The following ENTPD2 variants were observed in gnomAD, a reference collection of about 807,000 sequenced individuals.
The protein encoded by ENTPD2 is CD39 antigen-like 1.
A neutral mutation model predicts 46.8 loss-of-function variants in ENTPD2; 48 were observed. The ratio of observed to expected loss-of-function variants is 1.03; its 90% confidence interval spans 0.81 to 1.30. The LOEUF (loss-of-function observed/expected upper bound fraction) is 1.30. Ranked by LOEUF, ENTPD2 falls within the 50% of genes most tolerant of loss-of-function variation. The pLI is 0.00. For synonymous variants in ENTPD2, 316 were observed against 286.1 expected (o/e 1.10, Z -1.06); for missense variants, 707 against 651.1 (o/e 1.09, Z -0.93).
chr9:137,052,606 T>G, intron 1 of ENTPD2: 1 of 347,314 alleles, frequency 2.9e-6, no homozygotes, highest in East Asian at 5.0e-5. Flanking sequence ...GGCAGCAGCC[T>G]TCCTGGCAAG....
In ENTPD2 at chr9:137,048,589, A is replaced by C; in HGVS notation, c.*68T>G. 1 of 1,088,880 alleles carries C rather than the reference A, an allele frequency of 9.2e-7. No individual in the cohort carries two copies. Among genetic ancestry groups the C allele is most frequent in the Non-Finnish European group, 1.1e-6 (1 of 873,502 alleles). 67.5% of individuals were successfully genotyped at this position (1,088,880 alleles called of 1,614,324 possible). Reference sequence around the variant, plus strand: ...GGGTGGGAGGTACAGGGGTTGTGGGAGGGGTGGGAGTACGGGGTGGGGATA... The same window carrying C: ...GGGTGGGAGGTACAGGGGTTGTGGGCGGGGTGGGAGTACGGGGTGGGGATA... On this transcript the variant is annotated 3_prime_UTR_variant, in exon 9 of 9. Coordinates refer to ENST00000355097, the MANE Select transcript of ENTPD2 (RefSeq NM_203468.3).
intron 7 of ENTPD2, chr9:137,049,285 C>T (rs1176885625): frequency 2.3e-6 from 2 of 852,144 alleles, no homozygotes. Flanking sequence ...CCCCAGCCAG[C>T]GCCCATGCCT....
At chr9:137,051,916 G>C (rs1201260581) in intron 2 of ENTPD2, among the ~76,000 whole-genome samples, 1 of 152,204 alleles carries the variant, frequency 6.6e-6, no homozygotes, top group African/African-American at 2.4e-5. Context: ...AACCCAGGTT[G>C]GCCTCCTGAG....
intron 1 of ENTPD2, 147 bp from the exon 2 acceptor site, chr9:137,052,495 G>A: frequency 1.6e-6 from 1 of 625,922 alleles, no homozygotes; most frequent in Middle Eastern, 4.2e-4. Flanking sequence ...CTCAGAGGAG[G>A]CCAGGGCCTC....
rs1033257304 is a variant in ENTPD2 at position 137,052,412 on chromosome 9, C to T, written c.118-64G>A. ...GGGGCCCTGACACCCTGACACCAAA[C>T]GTGAAGTTGGGTTCCTCCAGTTTGC... On this transcript the variant is annotated intron_variant, in intron 1 of 8. Transcript: ENST00000355097. The T allele has an allele frequency of 9.4e-5, 127 of 1,343,942 alleles. 2 individuals carry two copies. The highest frequency in any genetic ancestry group is 6.2e-5 in the South Asian group (5 of 80,920). 83.3% of individuals were successfully genotyped at this position (1,343,942 alleles called of 1,614,324 possible).
chr9:137,052,694 G>A (rs560285622), intron 1 of ENTPD2: 39 of 169,932 alleles, frequency 2.3e-4, no homozygotes, highest in African/African-American at 8.5e-4. Context: ...AAGTTTCCCA[G>A]GCTCAGGGAG....
In ENTPD2 at chr9:137,054,025, G is replaced by A; in HGVS notation, c.-28C>T. 1.7e-6 allele frequency: 2 copies of A among 1,191,938 alleles called. No individual in the cohort carries two copies. Among genetic ancestry groups the A allele is most frequent in the Non-Finnish European group, 2.1e-6 (2 of 958,598 alleles). 73.8% of individuals were successfully genotyped at this position (1,191,938 alleles called of 1,614,324 possible). ...GCGGGCGGGCGCGCGGGAGGACGATGCGTGGACCCGGAGAGTGCGGGGAGC... is the reference window on the plus strand; with the variant it reads ...GCGGGCGGGCGCGCGGGAGGACGATACGTGGACCCGGAGAGTGCGGGGAGC... On this transcript the variant is annotated 5_prime_UTR_variant, in exon 1 of 9. Coordinates refer to ENST00000355097, the MANE Select transcript of ENTPD2 (RefSeq NM_203468.3).
In ENTPD2 at chr9:137,048,582, T is replaced by C; in HGVS notation, c.*75A>G. 1 of 1,047,692 alleles carries C rather than the reference T, an allele frequency of 9.5e-7. No individual in the cohort carries two copies. Among genetic ancestry groups the C allele is most frequent in the Non-Finnish European group, 1.2e-6 (1 of 818,764 alleles). 64.9% of individuals were successfully genotyped at this position (1,047,692 alleles called of 1,614,324 possible). Reference sequence around the variant, plus strand: ...GATACAGGGGTGGGAGGTACAGGGGTTGTGGGAGGGGTGGGAGTACGGGGT... The same window carrying C: ...GATACAGGGGTGGGAGGTACAGGGGCTGTGGGAGGGGTGGGAGTACGGGGT... On this transcript the variant is annotated 3_prime_UTR_variant, in exon 9 of 9. Transcript: ENST00000355097.
rs1026572540 is a variant in ENTPD2, at chr9:137,048,896, C to A, written c.1285-36G>T. The A allele has an allele frequency of 1.5e-5, 22 of 1,483,754 alleles. No individual in the cohort carries two copies. The African/African-American group carries it at 2.5e-4, about 17-fold the overall frequency. The allele number at this position is 1,483,754 out of a possible 1,614,324, so 91.9% of individuals were successfully genotyped here. A position where few individuals can be genotyped will look rare whatever the true frequency, so the allele number is the denominator to read the frequency against. ...GGGCGTGGCCTCAGCTCCCGAGAGG[C>A]CCCGCCCCGCAAGGTCGGCCCCGCC... On this transcript the variant is annotated intron_variant, in intron 8 of 8. Transcript: ENST00000355097.
chr9:137,050,017 C>G (rs370366209), intron 6 of ENTPD2, 28 bp from the exon 7 acceptor site: 33 of 1,600,396 alleles, frequency 2.1e-5, no homozygotes, highest in Non-Finnish European at 2.4e-5. Context: ...ACACTGTGAC[C>G]GAACCCCAGC....
In ENTPD2 at chr9:137,048,577, A is replaced by G; in HGVS notation, c.*80T>C. The G allele has an allele frequency of 9.6e-7, 1 of 1,042,390 alleles. No homozygotes were observed. The highest frequency in any genetic ancestry group is 1.2e-6 in the Non-Finnish European group (1 of 808,000). The allele number at this position is 1,042,390 out of a possible 1,614,324, so 64.6% of individuals were successfully genotyped here. ...GTGGGGATACAGGGGTGGGAGGTAC[A>G]GGGGTTGTGGGAGGGGTGGGAGTAC... On this transcript the variant is annotated 3_prime_UTR_variant, in exon 9 of 9. Coordinates refer to ENST00000355097, the MANE Select transcript of ENTPD2 (RefSeq NM_203468.3).
At chr9:137,049,715 A>T in intron 7 of ENTPD2, 155 bp downstream of exon 7, 1 of 870,192 alleles carries the variant, frequency 1.1e-6, no homozygotes, top group East Asian at 2.9e-5. Flanking sequence ...CCTACCGGCC[A>T]CAGCCACGCC....
intron 5 of ENTPD2, 124 bp downstream of exon 5, chr9:137,050,778 C>T: frequency 7.4e-7 from 1 of 1,343,122 alleles, no homozygotes; most frequent in Non-Finnish European, 1.0e-6. Context: ...TGCTCTGACC[C>T]TCCCACCTGT....
Position 137,049,946 on chromosome 9 carries a change from G to C in ENTPD2, c.1073C>G (p.Ser358Trp), listed in dbSNP as rs764578453. 6.2e-7 allele frequency: 1 copy of C among 1,612,604 alleles called. No homozygotes were observed. The highest frequency in any genetic ancestry group is 8.5e-7 in the Non-Finnish European group (1 of 1,179,832). Residue 358 changes from serine to tryptophan, a missense_variant, in exon 7 of 9, where the codon TCG becomes TGG. Transcript: ENST00000355097. ...FFYTVDFLRT[S>W]MGLPVATLQQ... ...CAGGGTGGCCACGGGCAGCCCCATCGAAGTCCGCAAAAAGTCCACAGTGTA... is the reference window on the plus strand; with the variant it reads ...CAGGGTGGCCACGGGCAGCCCCATCCAAGTCCGCAAAAAGTCCACAGTGTA...
chr9:137,053,819 C>G, intron 1 of ENTPD2, 62 bp downstream of exon 1: 1 of 1,112,836 alleles, frequency 9.0e-7, no homozygotes, highest in Non-Finnish European at 1.1e-6. Context: ...GCCGCACCCC[C>G]TCCCCGGCTC....
chr9:137,051,588 G>C lies in ENTPD2; in HGVS notation c.308C>G (p.Ala103Gly). 6.2e-7 allele frequency: 1 copy of C among 1,612,762 alleles called. No homozygotes were observed. Among genetic ancestry groups the C allele is most frequent in the South Asian group, 1.1e-5 (1 of 91,082 alleles). The change falls in exon 3 of 9, where the codon GCG becomes GGG. Residue 103 changes from alanine to glycine, a missense_variant. Transcript: ENST00000355097. ...SQSLVGCLEQ[A>G]LQDVPKERHA... is the part of the protein sequence containing the mutation. ...TCTCTCTTTGGGCACATCCTGAAGC[G>C]CCTGTTCGAGGCATCCAACAAGACT... is the stretch of plus-strand genomic sequence containing the variant.
At chr9:137,051,458 G>T in intron 3 of ENTPD2, 52 bp downstream of exon 3, 1 of 1,550,726 alleles carries the variant, frequency 6.4e-7, no homozygotes, top group Non-Finnish European at 8.7e-7. Flanking sequence ...CCTGCAAGGG[G>T]TCACAGCCAA....
intron 1 of ENTPD2, among the ~76,000 whole-genome samples, chr9:137,053,665 C>T (rs1049933724): frequency 5.3e-5 from 8 of 151,996 alleles, no homozygotes; most frequent in African/African-American, 1.9e-4. Flanking sequence ...TCCTTCAGCA[C>T]CGCGTCGCCC....
At chr9:137,049,128 C>T in intron 7 of ENTPD2, 53 bp from the exon 8 acceptor site, 2 of 1,532,430 alleles carry the variant, frequency 1.3e-6, no homozygotes, top group South Asian at 1.2e-5. Flanking sequence ...AGGTCTCGGC[C>T]CCACGGGGAG....
Sources: gnomAD v4.1 joint callset for allele counts (sites outside exome capture counted in the v4.1 genomes callset) on GRCh38, gnomAD v4.1.1 for gene constraint, MANE v1.5 for transcripts, NCBI Gene and HGNC (gene_info 2026-07-23, HGNC 2026-07-21) for gene names.